Variants in GOSR2 observed in about 807,000 individuals in gnomAD.
GOSR2 encodes golgi SNAP receptor complex member 2.
Under a neutral mutation model 27.9 loss-of-function variants are expected in GOSR2, and 20 were observed. The observed-to-expected ratio is 0.72, with a 90% confidence interval of 0.50 to 1.04. The LOEUF is 1.04. GOSR2 is among the 50% of genes least tolerant of loss of function. The pLI is 0.00. For missense variants in GOSR2, 261 were observed against 270.5 expected (o/e 0.97, Z 0.25); for synonymous variants, 91 against 98.8 (o/e 0.92, Z 0.47).
rs1271750258 is a variant in GOSR2, at chr17:46,937,412, T to C, written c.478-1187T>C. 2.0e-5 allele frequency: 3 copies of C among 152,250 alleles called. No homozygotes were observed. In the East Asian group the frequency reaches 5.8e-4, roughly 29 times the overall value. 9.4% of individuals were successfully genotyped at this position (152,250 alleles called of 1,614,324 possible). A position where few individuals can be genotyped will look rare whatever the true frequency, so the allele number is the denominator to read the frequency against. ...TTGATGTTGCCTTCTTTTTATAGTATAAAATATTCTAATTTTAAGTATTTT... is the reference window on the plus strand; with the variant it reads ...TTGATGTTGCCTTCTTTTTATAGTACAAAATATTCTAATTTTAAGTATTTT... On this transcript the variant is annotated intron_variant, in intron 5 of 5. Transcript: ENST00000640051.
intron 6 of GOSR2, chr17:46,964,679 CA>C (rs1376821569): frequency 4.6e-5 from 7 of 152,266 alleles, no homozygotes; most frequent in African/African-American, 1.4e-4. Context: ...GGTCACACAA[CA>C]AGTCAGTAGA....
intron 1 of GOSR2, among the ~76,000 whole-genome samples, chr17:46,928,674 A>G (rs197921): frequency 0.96 from 145,368 of 152,202 alleles, 69,782 homozygotes; most frequent in East Asian, 1. Flanking sequence ...TACCAAACAG[A>G]AGGTCCCTGT....
chr17:46,935,284 C>T, intron 5 of GOSR2, 115 bp downstream of exon 5: 1 of 1,586,298 alleles, frequency 6.3e-7, no homozygotes. Context: ...ATTTTGATGA[C>T]AAGACAGAGC....
chr17:46,942,165 T>C (rs1651195788), downstream of GOSR2: 1 of 159,546 alleles, frequency 6.3e-6, no homozygotes. Context: ...TAAGAAATGT[T>C]TGGGGAACCC....
Position 46,940,582 on chromosome 17 carries a change from A to C in GOSR2, c.*1822A>C. On this transcript the variant is annotated 3_prime_UTR_variant, in exon 6 of 6. Coordinates refer to ENST00000640051, the MANE Select transcript of GOSR2 (RefSeq NM_004287.5). ...ACCCAAGGATCCTGCCAGACAGCAC[A>C]CTTTGGAGGAAGGTCTGCAGGGAGC... The C allele has an allele frequency of 6.2e-7, 1 of 1,614,168 alleles. No homozygotes were observed. Among genetic ancestry groups the C allele is most frequent in the Non-Finnish European group, 8.5e-7 (1 of 1,180,036 alleles).
Position 46,952,123 on chromosome 17 carries a change from T to C in GOSR2, c.583+13419T>C, listed in dbSNP as rs146695696. The stretch of plus-strand genomic sequence containing the variant: ...TTCTTTCTATTCCAGAAAATTCTTA[T>C]AGTGGGTGGATGTCATTTATCTACC... On this transcript the variant is annotated intron_variant, in intron 6 of 6. Coordinates refer to the GOSR2 transcript ENST00000573224. Among the ~76,000 whole-genome samples the C allele has an allele frequency of 2.4e-3, 364 of 152,336 alleles. 1 individual carries two copies. The highest frequency in any genetic ancestry group is 3.4e-3 in the Non-Finnish European group (234 of 68,024).
Position 46,939,245 on chromosome 17 carries a change from C to T in GOSR2, c.*485C>T, listed in dbSNP as rs1221140741. ...TAAATAGTAGGTCGATTCACATCCT[C>T]GTGCTCCTGGCCACCCTCCCCTGTG... On this transcript the variant is annotated 3_prime_UTR_variant, in exon 6 of 6. Transcript: ENST00000640051. 17 of 1,042,054 alleles carry T rather than the reference C, an allele frequency of 1.6e-5. No homozygotes were observed. The highest frequency in any genetic ancestry group is 1.7e-5 in the Non-Finnish European group (15 of 861,820). 64.6% of individuals were successfully genotyped at this position (1,042,054 alleles called of 1,614,324 possible). A position where few individuals can be genotyped will look rare whatever the true frequency, so the allele number is the denominator to read the frequency against.
chr17:46,935,241 T>C, intron 5 of GOSR2, 72 bp downstream of exon 5: 1 of 1,608,952 alleles, frequency 6.2e-7, no homozygotes, highest in Non-Finnish European at 8.5e-7. Flanking sequence ...GTAACTGTGT[T>C]TATATTTTGA....
intron 6 of GOSR2, among the ~76,000 whole-genome samples, chr17:46,953,047 TTTATTTTA>T (rs1359523882): frequency 1.3e-5 from 2 of 152,066 alleles, no homozygotes; most frequent in African/African-American, 4.8e-5. Flanking sequence ...TTTTTATTTT[TTTATTTTA>T]TTATTATTTT....
intron 1 of GOSR2, among the ~76,000 whole-genome samples, chr17:46,926,719 T>C (rs561480998): frequency 9.2e-5 from 14 of 152,240 alleles, no homozygotes; most frequent in Non-Finnish European, 2.1e-4. Context: ...ATACTTGCTT[T>C]GTTGTTTCAT....
In GOSR2 at chr17:46,940,288, G is replaced by C; in HGVS notation, c.*1528G>C. On this transcript the variant is annotated 3_prime_UTR_variant, in exon 6 of 6. Coordinates refer to ENST00000640051, the MANE Select transcript of GOSR2 (RefSeq NM_004287.5). The stretch of plus-strand genomic sequence containing the variant: ...AGATCTCCATTGTTCCTACCCCTCC[G>C]GGCCAAATGGGCCCCAGGTTTCCAA... 6.3e-6 allele frequency: 9 copies of C among 1,436,256 alleles called. No homozygotes were observed. The highest frequency in any genetic ancestry group is 8.2e-6 in the Non-Finnish European group (9 of 1,099,790). The allele number at this position is 1,436,256 out of a possible 1,614,324, so 89.0% of individuals were successfully genotyped here.
In GOSR2 at chr17:46,940,861, T is replaced by C; in HGVS notation, c.*2101T>C. The C allele has an allele frequency of 2.1e-6, 3 of 1,427,016 alleles. No homozygotes were observed. The highest frequency in any genetic ancestry group is 2.7e-6 in the Non-Finnish European group (3 of 1,092,836). 88.4% of individuals were successfully genotyped at this position (1,427,016 alleles called of 1,614,324 possible). On this transcript the variant is annotated 3_prime_UTR_variant, in exon 6 of 6. Transcript: ENST00000640051. Reference sequence around the variant, plus strand: ...AGTGTGTCTGGACACCCAGGGGCATTGAGACTGCATGTTGTCACATGACCA... The same window carrying C: ...AGTGTGTCTGGACACCCAGGGGCATCGAGACTGCATGTTGTCACATGACCA...
chr17:46,956,976 G>T (rs9910899), intron 6 of GOSR2, among the ~76,000 whole-genome samples: 19 of 152,152 alleles, frequency 1.2e-4, no homozygotes, highest in Non-Finnish European at 2.6e-4. Context: ...AAAGGTTGCG[G>T]GGGTGAGCTG....
intron 1 of GOSR2, chr17:46,923,922 T>G (rs1389032058): frequency 1.0e-5 from 4 of 398,594 alleles, no homozygotes; most frequent in Non-Finnish European, 1.8e-5. Context: ...GGCAGAATTA[T>G]GATTTTTACC....
downstream of GOSR2, among the ~76,000 whole-genome samples, chr17:46,968,253 C>T (rs1021748895): frequency 2.0e-5 from 3 of 152,196 alleles, no homozygotes; most frequent in East Asian, 5.8e-4. Context: ...CAACTTCCTC[C>T]ATTCCAGACC....
chr17:46,933,577 C>T (rs1432490198), intron 4 of GOSR2: 1 of 150,246 alleles, frequency 6.7e-6, no homozygotes, highest in Non-Finnish European at 1.5e-5. Flanking sequence ...CAGTTGAAAA[C>T]ACGTATGTGC....
intron 5 of GOSR2, chr17:46,936,924 C>A: frequency 3.8e-6 from 2 of 523,104 alleles, no homozygotes; most frequent in Non-Finnish European, 4.9e-6. Context: ...GTTGATCTCA[C>A]TTTCCTTGTT....
At chr17:46,958,602 A>G (rs1346236367) in intron 6 of GOSR2, among the ~76,000 whole-genome samples, 2 of 152,166 alleles carry the variant, frequency 1.3e-5, no homozygotes, top group East Asian at 3.9e-4. Context: ...CCACAGTGAG[A>G]TGTGCCAGTG....
At chr17:46,952,241 C>T (rs184278355) in intron 6 of GOSR2, among the ~76,000 whole-genome samples, 6 of 152,294 alleles carry the variant, frequency 3.9e-5, no homozygotes, top group African/African-American at 1.4e-4. Flanking sequence ...CGGGACTCAG[C>T]GAGGGCTGCC....
Sources: gnomAD v4.1 joint callset for allele counts (sites outside exome capture counted in the v4.1 genomes callset) on GRCh38, gnomAD v4.1.1 for gene constraint, MANE v1.5 for transcripts, NCBI Gene and HGNC (gene_info 2026-07-23, HGNC 2026-07-21) for gene names.